PABPC4: variants seen among roughly 807,000 people sequenced by gnomAD.
PABPC4 encodes polyadenylate-binding protein 4.
Under a neutral mutation model 74.5 loss-of-function variants are expected in PABPC4, and 15 were observed. That is an observed-to-expected ratio of 0.20 (90% CI 0.13 to 0.31). The LOEUF (loss-of-function observed/expected upper bound fraction) is 0.31. Ranked by LOEUF, PABPC4 falls within the 10% of genes least tolerant of loss-of-function variation. The probability of loss-of-function intolerance (pLI) is 1.00; values close to 1 mark genes in which losing one functional copy is unlikely to be tolerated. For synonymous variants in PABPC4, 345 were observed against 303.0 expected, an observed-to-expected ratio of 1.14 and a Z score of -1.44; for missense variants, 610 against 853.5, an observed-to-expected ratio of 0.71 and a Z score of 3.55.
rs751631876 is a variant in PABPC4 at position 39,562,349 on chromosome 1, G to A, written c.1736C>T (p.Pro579Leu). Residue 579 changes from proline (P) to leucine (L), a missense_variant, in exon 13 of 16, where the codon CCC becomes CTC. Physicochemically the swap from Pro to Leu is moderately conservative, Grantham distance 98. This residue lies in a region of PABPC4 where 277 missense variants were observed against 301.8 expected (regional missense o/e 0.92). Coordinates refer to ENST00000372858, the MANE Select transcript of PABPC4 (RefSeq NM_001135653.2). ...CAGCATCTGCTTCTGTTCCTGGGGG[G>A]GTGCTGCAGCCAGCATGGAGGCAGT... ...PLTASMLAAA[P>L]PQEQKQMLGE... The A allele has an allele frequency of 5.6e-6, 9 of 1,614,090 alleles. No homozygotes were observed. The East Asian group carries it at 1.6e-4, about 28-fold the overall frequency.
chr1:39,571,024 A>AGGCC (rs1645932429), intron 3 of PABPC4: 1 of 1,427,614 alleles, frequency 7.0e-7, no homozygotes. Context: ...GGCGGCAGGC[A>AGGCC]GGCCATGGCT....
Position 39,575,781 on chromosome 1 carries a change from G to A in PABPC4, c.171C>T (p.Val57=). The A allele has an allele frequency of 6.2e-7, 1 of 1,602,966 alleles. No individual in the cohort carries two copies. The highest frequency in any genetic ancestry group is 1.1e-5 in the South Asian group (1 of 90,280). ...CACCGTCGGCCGGCTGCTGGAAGTT[G>A]ACGTAGGCATAGCCCAGGGAGCGGC... ...ITRRSLGYAY[V]NFQQPADAER... Residue 57 remains valine, a synonymous_variant, in exon 1 of 16, where the codon GTC becomes GTT. Transcript: ENST00000372858.
At position 39,576,042 on chromosome 1, in the gene PABPC4, G is replaced by C; in HGVS notation, c.-91C>G. The C allele has an allele frequency of 2.1e-6, 2 of 935,126 alleles. No homozygotes were observed. The highest frequency in any genetic ancestry group is 3.0e-6 in the Non-Finnish European group (2 of 667,474). 57.9% of individuals were successfully genotyped at this position (935,126 alleles called of 1,614,324 possible). ...AGGGGCGCCTTCGGAGCCCGGGCCC[G>C]CGCCGCGGCTCACAGGTGGCACCGG... On this transcript the variant is annotated 5_prime_UTR_variant, in exon 1 of 16. Coordinates refer to ENST00000372858, the MANE Select transcript of PABPC4 (RefSeq NM_001135653.2).
chr1:39,569,409 G>A, intron 5 of PABPC4, 186 bp downstream of exon 5: 1 of 602,654 alleles, frequency 1.7e-6, no homozygotes, highest in South Asian at 2.0e-5. Context: ...TATGTGCCAA[G>A]TGCTTTGTAA....
At chr1:39,569,819 T>C (rs1645911234) in intron 4 of PABPC4, 44 bp downstream of exon 4, 7 of 1,604,262 alleles carry the variant, frequency 4.4e-6, no homozygotes, top group Non-Finnish European at 6.0e-6. Flanking sequence ...AAAAAACAGA[T>C]GGGTCTGGTA....
Position 39,570,947 on chromosome 1 carries a change from G to C in PABPC4, c.503+287C>G. The C allele has an allele frequency of 5.7e-6, 5 of 879,460 alleles. No individual in the cohort carries two copies. In the South Asian group the frequency reaches 9.0e-5, roughly 16 times the overall value. The allele number at this position is 879,460 out of a possible 1,614,324, so 54.5% of individuals were successfully genotyped here. ...GACCCCGACTCAGAGTGAGCTTAGA[G>C]CTGCTTTCCAGCCAGCCCCAGTTGT... On this transcript the variant is annotated intron_variant, in intron 3 of 15. Transcript: ENST00000372858.
In PABPC4 at chr1:39,562,221, A is replaced by C. The variant is rs1400190629; in HGVS notation, c.1763-18T>G. The C allele has an allele frequency of 6.2e-7, 1 of 1,614,018 alleles. No homozygotes were observed. The highest frequency in any genetic ancestry group is 1.3e-5 in the African/African-American group (1 of 75,064). On this transcript the variant is annotated intron_variant, in intron 13 of 15. Transcript: ENST00000372858. ...GCGTTCTCCTATGGGGAGGATAGTTAATAAAAAAACAAATCAAATCCCAGT... is the reference window on the plus strand; with the variant it reads ...GCGTTCTCCTATGGGGAGGATAGTTCATAAAAAAACAAATCAAATCCCAGT...
At chr1:39,571,373 T>C in intron 2 of PABPC4, 24 bp from the exon 3 acceptor site, 2 of 1,613,638 alleles carry the variant, frequency 1.2e-6, no homozygotes, top group Non-Finnish European at 1.7e-6. Context: ...GGCGGACCAC[T>C]TTAGCAGAAC....
intron 7 of PABPC4, among the ~76,000 whole-genome samples, chr1:39,566,491 AT>A (rs1645845199): frequency 1.3e-5 from 2 of 152,228 alleles, no homozygotes; most frequent in South Asian, 4.1e-4. Flanking sequence ...CTTTTCCCAC[AT>A]TAAGTTCATC....
At chr1:39,563,366 A>C (rs1158681870) in intron 12 of PABPC4, 7 of 474,338 alleles carry the variant, frequency 1.5e-5, no homozygotes, top group Non-Finnish European at 2.6e-5. Flanking sequence ...ATTTCGTACA[A>C]ACAGAAGAGG....
At chr1:39,561,868 A>C (rs1427580112) in intron 14 of PABPC4, 81 bp from the exon 15 acceptor site, 7 of 1,320,512 alleles carry the variant, frequency 5.3e-6, no homozygotes, top group South Asian at 1.2e-5. Context: ...GTGGTGGACC[A>C]AAGCCAACTG....
At chr1:39,571,097 C>G in intron 3 of PABPC4, 137 bp downstream of exon 3, 1 of 1,540,600 alleles carries the variant, frequency 6.5e-7, no homozygotes. Context: ...GGAGACTCAC[C>G]AGCCCTGGAG....
rs370916938 is a variant in PABPC4 at position 39,563,788 on chromosome 1, G to A, written c.1541-47C>T. On this transcript the variant is annotated intron_variant, in intron 11 of 15. Coordinates refer to ENST00000372858, the MANE Select transcript of PABPC4 (RefSeq NM_001135653.2). ...ATTAAAGCCCATCAGTCTGGGCAAA[G>A]ACCCGTCAAATCCCATCTTTCCCCC... 3.0e-4 allele frequency: 491 copies of A among 1,613,896 alleles called. 1 individual carries two copies. The highest frequency in any genetic ancestry group is 1.5e-3 in the Middle Eastern group (9 of 6,060).
At chr1:39,564,916 G>A in intron 8 of PABPC4, 143 bp from the exon 9 acceptor site, 1 of 868,120 alleles carries the variant, frequency 1.2e-6, no homozygotes, top group South Asian at 1.7e-5. Flanking sequence ...CAGCTAATGG[G>A]GACTGTTTTA....
At position 39,565,183 on chromosome 1, in the gene PABPC4, T is replaced by C. The variant is rs1383176677; in HGVS notation, c.1168A>G (p.Arg390Gly). Residue 390 changes from arginine (R) to glycine (G), a missense_variant, in exon 8 of 16, where the codon AGA becomes GGA. By Grantham distance (125) the Arg-to-Gly change is moderately radical (BLOSUM62 -2). Coordinates refer to ENST00000372858, the MANE Select transcript of PABPC4 (RefSeq NM_001135653.2). The part of the protein sequence containing the change: ...NQYMQRVAGM[R>G]ALPANAILNQ... ...AAGATGGCATTGGCAGGAAGTGCTC[T>C]CATTCCAGCCACTCGTTGCATATAC... The C allele has an allele frequency of 6.2e-7, 1 of 1,614,144 alleles. No individual in the cohort carries two copies. The highest frequency in any genetic ancestry group is 8.5e-7 in the Non-Finnish European group (1 of 1,179,986).
chr1:39,574,065 A>T (rs1410624934), intron 1 of PABPC4, among the ~76,000 whole-genome samples: 1 of 152,074 alleles, frequency 6.6e-6, no homozygotes, highest in East Asian at 1.9e-4. Context: ...GGGGGACAAA[A>T]TTCCCCAACT....
At chr1:39,561,896 C>A in intron 14 of PABPC4, 109 bp from the exon 15 acceptor site, 1 of 1,180,948 alleles carries the variant, frequency 8.5e-7, no homozygotes, top group Non-Finnish European at 1.2e-6. Context: ...GATCCCTAGG[C>A]TTCTGGTGCT....
intron 15 of PABPC4, 180 bp downstream of exon 15, chr1:39,561,505 G>A: frequency 3.4e-6 from 2 of 594,664 alleles, no homozygotes; most frequent in East Asian, 2.9e-5. Context: ...AGCTCCTGCA[G>A]ACAAAGTCCA....
intron 15 of PABPC4, chr1:39,561,475 C>A: frequency 3.6e-6 from 2 of 560,222 alleles, no homozygotes; most frequent in Non-Finnish European, 6.5e-6. Context: ...TCAACCAGTA[C>A]TAGTTTTATT....
Sources: gnomAD v4.1 joint callset for allele counts (sites outside exome capture counted in the v4.1 genomes callset) on GRCh38, gnomAD v4.1.1 for gene constraint, gnomAD v4.1.1 regional missense constraint, MANE v1.5 for transcripts, NCBI Gene and HGNC (gene_info 2026-07-23, HGNC 2026-07-21) for gene names.